ATP6V1B2: variants seen among roughly 807,000 people sequenced by gnomAD.
ATP6V1B2 encodes the protein V-type proton ATPase subunit B, brain isoform.
Under a neutral mutation model 66.7 loss-of-function variants are expected in ATP6V1B2, and 23 were observed. The ratio of observed to expected loss-of-function variants is 0.34; its 90% CI spans 0.25 to 0.49. The LOEUF is 0.49. Ranked by LOEUF, ATP6V1B2 falls within the 20% of genes least tolerant of loss-of-function variation. The probability of loss-of-function intolerance (pLI) is 0.99; values close to 1 mark genes in which losing one functional copy is unlikely to be tolerated. For synonymous variants in ATP6V1B2, 278 were observed against 236.7 expected, an observed-to-expected ratio of 1.17 and a Z score of -1.60; for missense variants, 478 against 650.8, an observed-to-expected ratio of 0.73 and a Z score of 2.89.
At chr8:20,206,543 T>G (rs2072739952) in intron 2 of ATP6V1B2, among the ~76,000 whole-genome samples, 1 of 152,178 alleles carries the variant, frequency 6.6e-6, no homozygotes. Context: ...CCACTACTGT[T>G]AAGGTTATAT....
At chr8:20,205,095 C>T (rs1270070056) in intron 2 of ATP6V1B2, among the ~76,000 whole-genome samples, 2 of 152,172 alleles carry the variant, frequency 1.3e-5, no homozygotes, top group Non-Finnish European at 2.9e-5. Flanking sequence ...TGAAGTTGTA[C>T]AAGATTTAGG....
intron 13 of ATP6V1B2, among the ~76,000 whole-genome samples, 191 bp downstream of exon 13, chr8:20,218,473 T>G (rs2072876354): frequency 6.6e-6 from 1 of 152,142 alleles, no homozygotes; most frequent in Admixed American, 6.5e-5. Context: ...AGATCTTGAC[T>G]TGATTTTCCA....
rs147058354 is a variant in ATP6V1B2, at chr8:20,213,290, T to G, written c.927+385T>G. ...TGTTAATATTTTATAAAGACCCTAC[T>G]CTCACAGTACTCTCTTCAGCACTTT... is the stretch of plus-strand genomic sequence containing the variant. On this transcript the variant is annotated intron_variant, in intron 9 of 13. Coordinates refer to ENST00000276390, the MANE Select transcript of ATP6V1B2 (RefSeq NM_001693.4). 325 of 243,820 alleles carry G rather than the reference T, an allele frequency of 1.3e-3. 3 individuals carry two copies. The highest frequency in any genetic ancestry group is 7.1e-3 in the African/African-American group (298 of 42,110). 15.1% of individuals were successfully genotyped at this position (243,820 alleles called of 1,614,324 possible).
At chr8:20,204,134 C>G (rs2072714786) in intron 1 of ATP6V1B2, 3 of 401,332 alleles carry the variant, frequency 7.5e-6, no homozygotes, top group East Asian at 6.7e-5. Context: ...CCTGTGCAGG[C>G]CATAGTTAGA....
intron 1 of ATP6V1B2, among the ~76,000 whole-genome samples, chr8:20,200,365 C>T (rs2072673764): frequency 6.6e-6 from 1 of 151,984 alleles, no homozygotes; most frequent in Admixed American, 6.6e-5. Context: ...TTTTTGTGTC[C>T]CCACTGCCTA....
At chr8:20,208,093 GC>G (rs1456809697) in intron 2 of ATP6V1B2, among the ~76,000 whole-genome samples, 6 of 152,178 alleles carry the variant, frequency 3.9e-5, no homozygotes, top group African/African-American at 1.2e-4. Flanking sequence ...TTTTTATATA[GC>G]TAGGGAGAGT....
intron 12 of ATP6V1B2, 88 bp from the exon 13 acceptor site, chr8:20,218,065 G>A (rs947486644): frequency 1.4e-6 from 2 of 1,452,224 alleles, no homozygotes; most frequent in African/African-American, 2.9e-5. Context: ...CTCTTGTGAG[G>A]AGAACTAGAG....
At position 20,215,172 on chromosome 8, in the gene ATP6V1B2, T is replaced by G. The variant is rs1023792304; in HGVS notation, c.1078+204T>G. On this transcript the variant is annotated intron_variant, in intron 10 of 13. Coordinates refer to ENST00000276390, the MANE Select transcript of ATP6V1B2 (RefSeq NM_001693.4). ...AGGAAAAGCAATTTTCTTCATAATTTAAGTTTTTAACTTTATTAGGTACTA... is the reference window on the plus strand; with the variant it reads ...AGGAAAAGCAATTTTCTTCATAATTGAAGTTTTTAACTTTATTAGGTACTA... 4.6e-5 allele frequency: 26 copies of G among 567,656 alleles called. 1 individual carries two copies. The South Asian group carries it at 6.3e-4, about 14-fold the overall frequency. 35.2% of individuals were successfully genotyped at this position (567,656 alleles called of 1,614,324 possible). A position where few individuals can be genotyped will look rare whatever the true frequency, so the allele number is the denominator to read the frequency against.
intron 2 of ATP6V1B2, among the ~76,000 whole-genome samples, chr8:20,207,275 A>C (rs1435200705): frequency 2.0e-5 from 3 of 152,208 alleles, no homozygotes; most frequent in Non-Finnish European, 4.4e-5. Context: ...CCCTGAAATC[A>C]ACTCTTCACA....
At chr8:20,220,182 A>G in intron 13 of ATP6V1B2, 81 bp from the exon 14 acceptor site, 1 of 1,464,560 alleles carries the variant, frequency 6.8e-7, no homozygotes, top group Non-Finnish European at 9.2e-7. Flanking sequence ...ATACACTGCT[A>G]GTCATATAAC....
chr8:20,212,670 C>T (rs2128886001), intron 8 of ATP6V1B2, 112 bp from the exon 9 acceptor site: 1 of 1,430,786 alleles, frequency 7.0e-7, no homozygotes, highest in Non-Finnish European at 9.5e-7. Flanking sequence ...CTCCTCAATT[C>T]ATTTAAAACT....
chr8:20,218,152 G>GTATGCGTGCTATGC lies in ATP6V1B2; in HGVS notation c.1270_1283dup (p.Ile428MetfsTer13). On this transcript the variant is annotated frameshift_variant and splice_region_variant. Transcript: ENST00000276390. LOFTEE classifies it high-confidence loss of function. ...CTGATGGGTGCCTTTCTTCTCTTTA[G>GTATGCGTGCTATGC]TATGCGTGCTATGCTATTGGAAAGG... 1 of 1,612,436 alleles carries GTATGCGTGCTATGC rather than the reference G, an allele frequency of 6.2e-7. No homozygotes were observed. Among genetic ancestry groups the GTATGCGTGCTATGC allele is most frequent in the Non-Finnish European group, 8.5e-7 (1 of 1,179,098 alleles).
chr8:20,199,950 AATTG>A (rs1265825759), intron 1 of ATP6V1B2, among the ~76,000 whole-genome samples: 1 of 150,764 alleles, frequency 6.6e-6, no homozygotes, highest in African/African-American at 2.4e-5. Context: ...ATTTTTTGTG[AATTG>A]ATTGATGTTA....
At chr8:20,200,746 A>G (rs1436103891) in intron 1 of ATP6V1B2, among the ~76,000 whole-genome samples, 4 of 152,182 alleles carry the variant, frequency 2.6e-5, no homozygotes, top group Middle Eastern at 3.2e-3. Flanking sequence ...AGTTTCTTAT[A>G]TCATAAAGCA....
At chr8:20,208,996 A>G (rs1336146399) in intron 2 of ATP6V1B2, among the ~76,000 whole-genome samples, 1 of 152,122 alleles carries the variant, frequency 6.6e-6, no homozygotes, top group Non-Finnish European at 1.5e-5. Context: ...GGTGTGAGCC[A>G]CCGCGCCTAG....
intron 1 of ATP6V1B2, among the ~76,000 whole-genome samples, chr8:20,198,016 G>T (rs1247825209): frequency 2.0e-5 from 3 of 152,232 alleles, no homozygotes; most frequent in African/African-American, 4.8e-5. Context: ...GACGTGGTCA[G>T]GCCTTTCGTG....
At chr8:20,197,573 C>G in intron 1 of ATP6V1B2, 31 bp downstream of exon 1, 1 of 1,346,712 alleles carries the variant, frequency 7.4e-7, no homozygotes, top group Non-Finnish European at 9.6e-7. Flanking sequence ...CGTCTCCGGT[C>G]TTTGCTCCCT....
intron 8 of ATP6V1B2, among the ~76,000 whole-genome samples, 196 bp from the exon 9 acceptor site, chr8:20,212,586 T>A (rs1472509211): frequency 6.6e-6 from 1 of 152,200 alleles, no homozygotes; most frequent in African/African-American, 2.4e-5. Flanking sequence ...ACCATACAAC[T>A]GAGAAATTTG....
intron 11 of ATP6V1B2, chr8:20,216,989 G>A: frequency 1.9e-6 from 1 of 518,900 alleles, no homozygotes; most frequent in East Asian, 3.3e-5. Context: ...CTTGTACAGT[G>A]TTATAGATGA....
Sources: allele counts gnomAD v4.1 joint callset (sites outside exome capture counted in the v4.1 genomes callset), GRCh38; gene constraint gnomAD v4.1.1; transcripts MANE v1.5; gene names NCBI Gene and HGNC (gene_info 2026-07-23, HGNC 2026-07-21).